The following PLCL2 variants were observed in gnomAD, a reference collection of about 807,000 sequenced individuals.
The protein encoded by PLCL2 is inactive phospholipase C-like protein 2.
PLCL2 carries 4 observed loss-of-function variants against 79.6 expected under a neutral mutation model. That is an observed-to-expected ratio of 0.05 (90% confidence interval 0.02 to 0.11). PLCL2 has a LOEUF of 0.11. Among genes scored for constraint, PLCL2 ranks in the 10% least tolerant of loss-of-function variants. PLCL2 has a pLI of 1.00. For missense variants in PLCL2, 895 were observed against 1,291.0 expected, an observed-to-expected ratio of 0.69 and a Z score of 4.70; for synonymous variants, 484 against 457.7, an observed-to-expected ratio of 1.06 and a Z score of -0.73.
At chr3:17,050,518 C>G (rs1660684599) in intron 4 of PLCL2, among the ~76,000 whole-genome samples, 1 of 152,138 alleles carries the variant, frequency 6.6e-6, no homozygotes, top group South Asian at 2.1e-4. Flanking sequence ...AGAAGACATA[C>G]AAATGAAAAA....
At chr3:16,980,437 G>C (rs1021916414) in intron 1 of PLCL2, among the ~76,000 whole-genome samples, 10 of 150,286 alleles carry the variant, frequency 6.7e-5, no homozygotes, top group African/African-American at 2.5e-4. Flanking sequence ...TTGCCAGGCA[G>C]AGGGTCTCCT....
In PLCL2 at chr3:17,006,595, G is replaced by A. The variant is rs561455628; in HGVS notation, c.328-3079G>A. On this transcript the variant is annotated intron_variant, in intron 1 of 5. Transcript: ENST00000615277. ...GATTCAGGCCTTGGTGTGCTATGGA[G>A]ACAGTTCTAGGCAACAGCAGATGGA... Among the ~76,000 whole-genome samples the A allele has an allele frequency of 1.8e-4, 27 of 152,322 alleles. No homozygotes were observed. In the South Asian group the frequency reaches 5.4e-3, roughly 30 times the overall value.
Position 16,997,354 on chromosome 3 carries a change from G to A in PLCL2, c.328-12320G>A, listed in dbSNP as rs114882541. Among the ~76,000 whole-genome samples, 111 of 152,226 alleles carry A rather than the reference G, an allele frequency of 7.3e-4. No homozygotes were observed. The South Asian group carries it at 9.7e-3, about 13-fold the overall frequency. On this transcript the variant is annotated intron_variant, in intron 1 of 5. Transcript: ENST00000615277. ...TTACAGGGTAGACACTATAAATACC[G>A]TAAGAGTTTAGAGAAGAGAGAACAC...
intron 1 of PLCL2, among the ~76,000 whole-genome samples, chr3:17,002,147 A>G (rs1430258163): frequency 6.6e-6 from 1 of 152,096 alleles, no homozygotes; most frequent in East Asian, 1.9e-4. Context: ...GCATATAGTA[A>G]TGATACTAAT....
intron 3 of PLCL2, among the ~76,000 whole-genome samples, chr3:17,028,502 G>T (rs1373353377): frequency 3.3e-5 from 5 of 149,532 alleles, no homozygotes; most frequent in Admixed American, 2.7e-4. Context: ...TTGAGACAGG[G>T]TTTCACTCCT....
At chr3:16,923,789 C>T (rs960076020) in intron 1 of PLCL2, among the ~76,000 whole-genome samples, 5 of 152,086 alleles carry the variant, frequency 3.3e-5, no homozygotes, top group African/African-American at 7.2e-5. Flanking sequence ...GTTTCTTAGA[C>T]TACTCATTTT....
chr3:16,936,646 G>A (rs1045156365), intron 1 of PLCL2, among the ~76,000 whole-genome samples: 14 of 152,128 alleles, frequency 9.2e-5, no homozygotes, highest in East Asian at 3.8e-4. Context: ...TTGTTTCCCT[G>A]GGGAGATAAT....
At chr3:16,961,032 G>T (rs1257999245) in intron 1 of PLCL2, among the ~76,000 whole-genome samples, 3 of 152,172 alleles carry the variant, frequency 2.0e-5, no homozygotes, top group Admixed American at 1.3e-4. Context: ...ATATGACAGG[G>T]TCTAGTGTTT....
intron 1 of PLCL2, among the ~76,000 whole-genome samples, chr3:16,980,585 G>C (rs374175370): frequency 6.6e-6 from 1 of 151,792 alleles, no homozygotes; most frequent in Admixed American, 6.5e-5. Flanking sequence ...GATGGCGGCC[G>C]GGAAGAGGCG....
intron 1 of PLCL2, among the ~76,000 whole-genome samples, chr3:17,007,108 CCTAA>C (rs1368574464): frequency 6.6e-5 from 10 of 152,064 alleles, no homozygotes; most frequent in Admixed American, 3.3e-4. Context: ...TATAAAATTC[CCTAA>C]CTGAGTCAGT....
intron 1 of PLCL2, among the ~76,000 whole-genome samples, chr3:16,986,884 C>T (rs1242663338): frequency 6.6e-6 from 1 of 152,002 alleles, no homozygotes; most frequent in African/African-American, 2.4e-5. Flanking sequence ...TTACATACAG[C>T]TTCTAAATAT....
rs562803279 is a variant in PLCL2, at chr3:17,066,942, A to C, written c.3095-1014A>C. ...ATCAAGGTAGAGAAGACCATAAAGG[A>C]GGCAAGACTTATCTGAATTCACCTT... is the stretch of plus-strand genomic sequence containing the variant. On this transcript the variant is annotated intron_variant, in intron 4 of 5. Transcript: ENST00000615277. 3.9e-5 allele frequency among the ~76,000 whole-genome samples: 6 copies of C among 152,344 alleles called. No individual in the cohort carries two copies. The East Asian group carries it at 1.2e-3, about 29-fold the overall frequency.
chr3:17,065,667 G>C (rs1273748353), intron 4 of PLCL2, among the ~76,000 whole-genome samples: 1 of 152,170 alleles, frequency 6.6e-6, no homozygotes, highest in East Asian at 1.9e-4. Flanking sequence ...GTTCCACCTT[G>C]TGCCAGTTTT....
chr3:16,941,242 C>G (rs1559492525), intron 1 of PLCL2, among the ~76,000 whole-genome samples: 2 of 152,206 alleles, frequency 1.3e-5, no homozygotes, highest in East Asian at 1.9e-4. Flanking sequence ...TCTCATGTCT[C>G]CTTCACTCAT....
rs146079208 is a variant in PLCL2, at chr3:17,069,013, C to T, written c.3204+948C>T. ...AAGAAAGGAAGGCTTCCCTTTCACC[C>T]GCTGAAGCTGCCTTGAAAACGACCT... On this transcript the variant is annotated intron_variant, in intron 5 of 5. Transcript: ENST00000615277. Among the ~76,000 whole-genome samples, 191 of 152,280 alleles carry T rather than the reference C, an allele frequency of 1.3e-3. 1 individual carries two copies. The highest frequency in any genetic ancestry group is 1.5e-3 in the Non-Finnish European group (105 of 68,036).
At position 17,011,209 on chromosome 3, in the gene PLCL2, G is replaced by C; in HGVS notation, c.1863G>C (p.Leu621=). The change falls in exon 2 of 6, where the codon CTG becomes CTC. Residue 621 remains leucine (L), a synonymous_variant. Transcript: ENST00000615277. This position sits in a 1 kb window ranked among gnomAD's most constrained non-coding sequence, Gnocchi z 7.9. ...AGCTTTGTAAAGAACTGTCTGAACTGGTCAGCATCTGCAAATCAGTTCAGT... is the reference window on the plus strand; with the variant it reads ...AGCTTTGTAAAGAACTGTCTGAACTCGTCAGCATCTGCAAATCAGTTCAGT... ...RFQLCKELSE[L]VSICKSVQFK... The C allele has an allele frequency of 6.2e-7, 1 of 1,614,160 alleles. No homozygotes were observed. Among genetic ancestry groups the C allele is most frequent in the South Asian group, 1.1e-5 (1 of 91,082 alleles).
intron 4 of PLCL2, among the ~76,000 whole-genome samples, chr3:17,052,470 A>G (rs932448822): frequency 2.0e-5 from 3 of 152,204 alleles, no homozygotes; most frequent in African/African-American, 7.2e-5. Flanking sequence ...ACTGCTTATG[A>G]CTTCTTTTAT....
intron 1 of PLCL2, among the ~76,000 whole-genome samples, chr3:16,971,521 T>C (rs2063868304): frequency 6.6e-6 from 1 of 152,206 alleles, no homozygotes; most frequent in Non-Finnish European, 1.5e-5. Flanking sequence ...AGGATTGACT[T>C]GGCAATGCGG....
chr3:16,955,346 G>A (rs2063694447), intron 1 of PLCL2, among the ~76,000 whole-genome samples: 1 of 152,020 alleles, frequency 6.6e-6, no homozygotes, highest in African/African-American at 2.4e-5. Context: ...GTAGATGTGT[G>A]GTATTATTTC....
Sources: gnomAD v4.1 joint callset for allele counts (sites outside exome capture counted in the v4.1 genomes callset) on GRCh38, gnomAD v4.1.1 for gene constraint, Gnocchi (gnomAD v3.1) non-coding constraint, MANE v1.5 for transcripts, NCBI Gene and HGNC (gene_info 2026-07-23, HGNC 2026-07-21) for gene names.